Variants in KCNIP3 observed in about 807,000 individuals in gnomAD.
KCNIP3 encodes the protein calsenilin.
KCNIP3 carries 28 observed loss-of-function variants against 35.0 expected under a neutral mutation model. The ratio of observed to expected loss-of-function variants is 0.80; its 90% CI spans 0.59 to 1.10. KCNIP3 has a LOEUF of 1.10. KCNIP3 is among the 50% of genes least tolerant of loss of function. The pLI, the probability that KCNIP3 is intolerant of heterozygous loss-of-function variation, is 0.00. For missense variants in KCNIP3, 295 were observed against 338.4 expected (o/e 0.87, Z 1.01); for synonymous variants, 134 against 133.8 (o/e 1.00, Z -0.01).
intron 2 of KCNIP3, among the ~76,000 whole-genome samples, chr2:95,325,002 C>T (rs1678701198): frequency 6.6e-6 from 1 of 152,220 alleles, no homozygotes; most frequent in South Asian, 2.1e-4. Context: ...AAACCCCTGG[C>T]TGGCTGAGGC....
intron 1 of KCNIP3, among the ~76,000 whole-genome samples, chr2:95,303,755 C>T (rs1678103243): frequency 6.6e-6 from 1 of 152,226 alleles, no homozygotes; most frequent in Non-Finnish European, 1.5e-5. Flanking sequence ...TGTGCCCTGC[C>T]AGGAGGATGC....
At chr2:95,333,253 T>C (rs1678977264) in intron 2 of KCNIP3, among the ~76,000 whole-genome samples, 1 of 152,236 alleles carries the variant, frequency 6.6e-6, no homozygotes, top group African/African-American at 2.4e-5. Flanking sequence ...GAGTGTAAGC[T>C]CCTTGAGGCC....
rs1680487661 is a variant in KCNIP3, at chr2:95,385,738, G to A, written c.*1689G>A. ...TGGCTCCAGGCTCCAGGCTGACTGG[G>A]GGCCTCTGCCTCCAGGAGGGCATCA... On this transcript the variant is annotated 3_prime_UTR_variant, in exon 9 of 9. Coordinates refer to ENST00000295225, the MANE Select transcript of KCNIP3 (RefSeq NM_013434.5). 1 of 152,696 alleles carries A rather than the reference G, an allele frequency of 6.5e-6. No homozygotes were observed. The highest frequency in any genetic ancestry group is 1.5e-5 in the Non-Finnish European group (1 of 68,072). 9.5% of individuals were successfully genotyped at this position (152,696 alleles called of 1,614,324 possible).
At chr2:95,365,717 G>A (rs550676539) in intron 2 of KCNIP3, among the ~76,000 whole-genome samples, 17 of 152,310 alleles carry the variant, frequency 1.1e-4, no homozygotes, top group Non-Finnish European at 2.2e-4. Context: ...CCTCGGGAAA[G>A]AGGATTAAGT....
At chr2:95,364,920 A>G (rs1481959456) in intron 2 of KCNIP3, among the ~76,000 whole-genome samples, 1 of 152,090 alleles carries the variant, frequency 6.6e-6, no homozygotes, top group African/African-American at 2.4e-5. Flanking sequence ...CCCTGTCTCT[A>G]TTATAAATAA....
chr2:95,332,140 T>A (rs902755690), intron 2 of KCNIP3, among the ~76,000 whole-genome samples: 3 of 152,190 alleles, frequency 2.0e-5, no homozygotes, highest in African/African-American at 4.8e-5. Flanking sequence ...GGCCAAGGAA[T>A]CCAGGGGCCC....
In KCNIP3 at chr2:95,382,403, C is replaced by G. The variant is rs113278660; in HGVS notation, c.582C>G (p.Ile194Met). Residue 194 changes from isoleucine (I) to methionine (M), a missense_variant, in exon 7 of 9, where the codon ATC becomes ATG. Physicochemically the swap from Ile to Met is conservative, Grantham distance 10. Transcript: ENST00000295225. The surrounding 1 kb of genome is among the most constrained non-coding windows in gnomAD (Gnocchi z 4.5). ...AGATGCTGGCCATCATGAAGTCCAT[C>G]TATGACATGATGGGCCGCCACACCT... is the stretch of plus-strand genomic sequence containing the variant. ...KEEMLAIMKS[I>M]YDMMGRHTYP... 2 of 1,605,996 alleles carry G rather than the reference C, an allele frequency of 1.2e-6. No homozygotes were observed. The highest frequency in any genetic ancestry group is 2.7e-5 in the African/African-American group (2 of 74,736).
chr2:95,354,886 C>CT (rs1003597350), intron 2 of KCNIP3, among the ~76,000 whole-genome samples: 2 of 152,182 alleles, frequency 1.3e-5, no homozygotes, highest in African/African-American at 4.8e-5. Flanking sequence ...GTCTGGTGCC[C>CT]TTTGTAAACT....
At chr2:95,362,347 C>G (rs1679820030) in intron 2 of KCNIP3, among the ~76,000 whole-genome samples, 1 of 152,118 alleles carries the variant, frequency 6.6e-6, no homozygotes. Context: ...CTCAGGTGAT[C>G]CGCCCACCTC....
At chr2:95,338,575 A>G (rs1355142266) in intron 2 of KCNIP3, among the ~76,000 whole-genome samples, 1 of 152,198 alleles carries the variant, frequency 6.6e-6, no homozygotes, top group Non-Finnish European at 1.5e-5. Context: ...ACTATATCAC[A>G]TGGCCATCTA....
At chr2:95,329,536 T>A (rs1678874787) in intron 2 of KCNIP3, among the ~76,000 whole-genome samples, 1 of 152,206 alleles carries the variant, frequency 6.6e-6, no homozygotes. Flanking sequence ...ATCAAGCTGG[T>A]AGGGCCCCCC....
Position 95,300,267 on chromosome 2 carries a change from A to AT in KCNIP3, c.15+2819dup, listed in dbSNP as rs571596400. Among the ~76,000 whole-genome samples, 14 of 152,312 alleles carry AT rather than the reference A, an allele frequency of 9.2e-5. No homozygotes were observed. In the East Asian group the frequency reaches 2.3e-3, roughly 25 times the overall value. On this transcript the variant is annotated intron_variant, in intron 1 of 8. Transcript: ENST00000295225. Reference sequence around the variant, plus strand: ...CGTGACCTGGAGCTAGCTGCCTCCCATTTTTGGACTGTGGATCCAGAGCTA... The same window carrying AT: ...CGTGACCTGGAGCTAGCTGCCTCCCATTTTTTGGACTGTGGATCCAGAGCTA...
At chr2:95,346,539 A>G (rs1679370478) in intron 2 of KCNIP3, among the ~76,000 whole-genome samples, 1 of 146,052 alleles carries the variant, frequency 6.8e-6, no homozygotes. Context: ...TAGGCCAATG[A>G]GCGCGCGGGG....
rs1679124915 is a variant in KCNIP3 at position 95,338,852 on chromosome 2, C to T, written c.181+28332C>T. Among the ~76,000 whole-genome samples the T allele has an allele frequency of 2.0e-5, 3 of 152,334 alleles. No homozygotes were observed. The South Asian group carries it at 6.2e-4, about 32-fold the overall frequency. On this transcript the variant is annotated intron_variant, in intron 2 of 8. Coordinates refer to ENST00000295225, the MANE Select transcript of KCNIP3 (RefSeq NM_013434.5). ...TGGTGTAAAGCACCTAACAGGTACT[C>T]GTTCAGCAAATGGCAACAGGTATTC...
At chr2:95,299,070 C>A (rs573161460) in intron 1 of KCNIP3, 1 of 152,394 alleles carries the variant, frequency 6.6e-6, no homozygotes, top group Admixed American at 6.5e-5. Flanking sequence ...CCTGCCCCTG[C>A]CAGACTGGCA....
At chr2:95,345,861 C>A (rs545723698) in intron 2 of KCNIP3, among the ~76,000 whole-genome samples, 1 of 152,358 alleles carries the variant, frequency 6.6e-6, no homozygotes, top group East Asian at 1.9e-4. Context: ...AGAAAGCCAC[C>A]CACAAACGAA....
intron 1 of KCNIP3, 195 bp from the exon 2 acceptor site, chr2:95,310,160 G>A (rs1339386738): frequency 8.5e-6 from 6 of 706,460 alleles, no homozygotes; most frequent in South Asian, 4.5e-5. Context: ...CATAGCCAGG[G>A]TGTAGAGTGA....
intron 1 of KCNIP3, among the ~76,000 whole-genome samples, chr2:95,301,568 G>A (rs1489361103): frequency 6.6e-6 from 1 of 152,220 alleles, no homozygotes; most frequent in Non-Finnish European, 1.5e-5. Flanking sequence ...CCAGATAAAT[G>A]TGATCCTATA....
intron 2 of KCNIP3, chr2:95,313,409 C>G (rs1308635297): frequency 2.0e-5 from 3 of 152,568 alleles, no homozygotes; most frequent in African/African-American, 4.8e-5. Context: ...AGTGGGGCCT[C>G]TAAGAGGGGA....
Sources: gnomAD v4.1 joint callset for allele counts (sites outside exome capture counted in the v4.1 genomes callset) on GRCh38, gnomAD v4.1.1 for gene constraint, Gnocchi (gnomAD v3.1) non-coding constraint, MANE v1.5 for transcripts, NCBI Gene and HGNC (gene_info 2026-07-23, HGNC 2026-07-21) for gene names.